Variants in NXPE2 observed in about 807,000 individuals in gnomAD.
NXPE2 encodes NXPE family member 2.
A neutral mutation model predicts 34.4 loss-of-function variants in NXPE2; 34 were observed. The ratio of observed to expected loss-of-function variants is 0.99; its 90% confidence interval spans 0.75 to 1.31. The LOEUF is 1.31. Ranked by LOEUF, NXPE2 falls within the 40% of genes most tolerant of loss-of-function variation. NXPE2 has a pLI of 0.00. For missense variants in NXPE2, 649 were observed against 672.5 expected (o/e 0.97, Z 0.39); for synonymous variants, 235 against 231.3 (o/e 1.02, Z -0.15).
At chr11:114,730,716 G>A in the NXPE2 span, among the ~76,000 whole-genome samples, 2 of 152,054 alleles carry the variant, frequency 1.3e-5, no homozygotes, top group South Asian at 4.1e-4. Flanking sequence ...TTGGTGTATA[G>A]AAATGTTACT....
chr11:114,658,970 C>T, the NXPE2 span, among the ~76,000 whole-genome samples: 1 of 152,064 alleles, frequency 6.6e-6, no homozygotes, highest in African/African-American at 2.4e-5. Flanking sequence ...CATTGACACA[C>T]AAGGAAGGAC....
chr11:114,581,777 C>T, the NXPE2 span: 1 of 1,607,734 alleles, frequency 6.2e-7, no homozygotes, highest in Non-Finnish European at 8.5e-7. Context: ...TCTCTACACC[C>T]ACATTTGACC....
upstream of NXPE2, among the ~76,000 whole-genome samples, chr11:114,674,090 AAAAC>A (rs72440964): frequency 0.3 from 38,930 of 131,694 alleles, 5,310 homozygotes; most frequent in Middle Eastern, 0.4. Context: ...ACATTGTTTA[AAAAC>A]AAACAAACAA....
At chr11:114,809,057 G>A in the NXPE2 span, among the ~76,000 whole-genome samples, 1 of 152,154 alleles carries the variant, frequency 6.6e-6, no homozygotes, top group Non-Finnish European at 1.5e-5. Flanking sequence ...ATCAATAAAT[G>A]TAACCCAGAA....
chr11:114,751,023 C>T, the NXPE2 span, among the ~76,000 whole-genome samples: 1 of 152,096 alleles, frequency 6.6e-6, no homozygotes, highest in African/African-American at 2.4e-5. Context: ...TTTGCATAGT[C>T]ACTCAGGGAC....
At chr11:114,623,539 C>A in the NXPE2 span, among the ~76,000 whole-genome samples, 1 of 152,090 alleles carries the variant, frequency 6.6e-6, no homozygotes, top group South Asian at 2.1e-4. Flanking sequence ...AACACTGTTA[C>A]CTGGCAGATA....
At chr11:114,744,078 C>T in the NXPE2 span, among the ~76,000 whole-genome samples, 5 of 152,160 alleles carry the variant, frequency 3.3e-5, no homozygotes, top group Middle Eastern at 3.4e-3. Context: ...CCCATATACA[C>T]GAGCTGATTT....
the NXPE2 span, among the ~76,000 whole-genome samples, chr11:114,594,478 G>A: frequency 6.6e-6 from 1 of 152,146 alleles, no homozygotes; most frequent in Non-Finnish European, 1.5e-5. Flanking sequence ...GTGTATGTGT[G>A]AACACACACA....
the NXPE2 span, among the ~76,000 whole-genome samples, chr11:114,638,325 A>G: frequency 6.6e-6 from 1 of 151,680 alleles, no homozygotes; most frequent in Admixed American, 6.6e-5. Context: ...CAGCTCCTTT[A>G]AGCACTTCTC....
chr11:114,556,454 C>G, the NXPE2 span, among the ~76,000 whole-genome samples: 7 of 152,058 alleles, frequency 4.6e-5, no homozygotes, highest in Non-Finnish European at 1.0e-4. Flanking sequence ...AGGCCTTTCT[C>G]CTGGAATTTC....
chr11:114,582,222 T>C, the NXPE2 span: 13 of 1,481,334 alleles, frequency 8.8e-6, 1 homozygote, highest in Non-Finnish European at 1.2e-5. Flanking sequence ...AGACTTTTCT[T>C]TGGATCAGTA....
chr11:114,608,881 C>T, the NXPE2 span, among the ~76,000 whole-genome samples: 5 of 137,014 alleles, frequency 3.6e-5, no homozygotes, highest in African/African-American at 1.3e-4. Context: ...CCGGTGGATA[C>T]CAAGTATTGC....
intron 2 of NXPE2, among the ~76,000 whole-genome samples, chr11:114,683,372 CATTG>C (rs1400787739): frequency 1.3e-5 from 2 of 151,214 alleles, no homozygotes; most frequent in Admixed American, 6.6e-5. Flanking sequence ...TTATTATGTT[CATTG>C]ATTATTGTCT....
chr11:114,716,153 T>C, the NXPE2 span, among the ~76,000 whole-genome samples: 1 of 152,188 alleles, frequency 6.6e-6, no homozygotes, highest in Non-Finnish European at 1.5e-5. Flanking sequence ...CATTTAAACC[T>C]ATCACCTGGC....
the NXPE2 span, among the ~76,000 whole-genome samples, chr11:114,624,104 A>C: frequency 6.6e-6 from 1 of 150,630 alleles, no homozygotes; most frequent in African/African-American, 2.4e-5. Context: ...AATAGGTTTT[A>C]TGTCGTGGGT....
the NXPE2 span, among the ~76,000 whole-genome samples, chr11:114,809,214 A>G: frequency 2.0e-5 from 3 of 152,056 alleles, no homozygotes; most frequent in Non-Finnish European, 4.4e-5. Flanking sequence ...AGAGCTATCT[A>G]TGACAAACCC....
chr11:114,584,893 C>T, the NXPE2 span, among the ~76,000 whole-genome samples: 1 of 152,130 alleles, frequency 6.6e-6, no homozygotes, highest in African/African-American at 2.4e-5. Flanking sequence ...AATGCCTTGC[C>T]ACCTATCCCT....
chr11:114,673,756 A>T (rs971994896), upstream of NXPE2, among the ~76,000 whole-genome samples: 6 of 151,820 alleles, frequency 4.0e-5, no homozygotes, highest in African/African-American at 1.4e-4. Flanking sequence ...AAAGAGCTGT[A>T]ATTTCATAAC....
At chr11:114,596,177 T>G in the NXPE2 span, among the ~76,000 whole-genome samples, 1 of 152,176 alleles carries the variant, frequency 6.6e-6, no homozygotes, top group Non-Finnish European at 1.5e-5. Context: ...TTCAATACAA[T>G]TTGCTGAATT....
Sources: allele counts gnomAD v4.1 joint callset (sites outside exome capture counted in the v4.1 genomes callset), GRCh38; gene constraint gnomAD v4.1.1; transcripts MANE v1.5; gene names NCBI Gene and HGNC (gene_info 2026-07-23, HGNC 2026-07-21).